RALGPS2: variants seen among roughly 807,000 people sequenced by gnomAD.
The protein encoded by RALGPS2 is ras-specific guanine nucleotide-releasing factor RalGPS2.
Under a neutral mutation model 86.8 loss-of-function variants are expected in RALGPS2, and 43 were observed. That is an observed-to-expected ratio of 0.50 (90% CI 0.39 to 0.64). The LOEUF is 0.64. Ranked by LOEUF, RALGPS2 falls within the 30% of genes least tolerant of loss-of-function variation. The pLI, the probability that RALGPS2 is intolerant of heterozygous loss-of-function variation, is 0.00. For missense variants in RALGPS2, 536 were observed against 694.6 expected, an observed-to-expected ratio of 0.77 and a Z score of 2.57; for synonymous variants, 243 against 231.3, an observed-to-expected ratio of 1.05 and a Z score of -0.46.
At chr1:178,792,291 A>G (rs1416296202) in intron 4 of RALGPS2, among the ~76,000 whole-genome samples, 9 of 152,170 alleles carry the variant, frequency 5.9e-5, no homozygotes. Context: ...TAAGTTTTTT[A>G]AGGTTCTCTG....
intron 1 of RALGPS2, among the ~76,000 whole-genome samples, chr1:178,759,541 T>C (rs527759486): frequency 3.7e-4 from 56 of 151,788 alleles, no homozygotes; most frequent in Non-Finnish European, 5.6e-4. Flanking sequence ...TTTTTTTTTT[T>C]TTTGCCCAAG....
intron 1 of RALGPS2, among the ~76,000 whole-genome samples, chr1:178,749,944 AAC>A (rs147164836): frequency 3.3e-5 from 5 of 151,550 alleles, no homozygotes; most frequent in African/African-American, 1.2e-4. Flanking sequence ...AAACAACAAC[AAC>A]ACACACACAC....
chr1:178,871,331 T>C (rs1415999262), intron 8 of RALGPS2, among the ~76,000 whole-genome samples: 1 of 152,014 alleles, frequency 6.6e-6, no homozygotes, highest in Non-Finnish European at 1.5e-5. Flanking sequence ...AACATTTTAG[T>C]CTGCTGGCCA....
chr1:178,746,149 A>AG (rs1367705605), intron 1 of RALGPS2, among the ~76,000 whole-genome samples: 1 of 152,114 alleles, frequency 6.6e-6, no homozygotes, highest in Non-Finnish European at 1.5e-5. Flanking sequence ...GAGAATGAAA[A>AG]GACCGGCTGC....
chr1:178,912,476 T>A (rs1173833554), intron 19 of RALGPS2, among the ~76,000 whole-genome samples: 6 of 152,178 alleles, frequency 3.9e-5, no homozygotes, highest in Admixed American at 2.0e-4. Context: ...AATTCTTAGT[T>A]GGAATTTCTT....
chr1:178,811,122 C>T (rs76729868), intron 5 of RALGPS2, among the ~76,000 whole-genome samples, 193 bp from the exon 6 acceptor site: 1,941 of 151,962 alleles, frequency 0.013, 36 homozygotes, highest in African/African-American at 0.044. Flanking sequence ...GGAATCTTCA[C>T]TTATGATTCT....
chr1:178,840,537 C>T (rs1033654565), intron 8 of RALGPS2, among the ~76,000 whole-genome samples: 2 of 152,104 alleles, frequency 1.3e-5, no homozygotes, highest in Non-Finnish European at 2.9e-5. Flanking sequence ...TAAATGCCCA[C>T]AAGAGAAAGC....
intron 4 of RALGPS2, among the ~76,000 whole-genome samples, chr1:178,787,124 C>T (rs890677726): frequency 4.6e-5 from 7 of 151,722 alleles, no homozygotes; most frequent in African/African-American, 1.7e-4. Context: ...AAAGAAAAAA[C>T]CAGAAATACT....
intron 1 of RALGPS2, among the ~76,000 whole-genome samples, chr1:178,750,719 T>A (rs899003651): frequency 6.6e-6 from 1 of 152,228 alleles, no homozygotes; most frequent in African/African-American, 2.4e-5. Context: ...AACCTTCTTA[T>A]TGCTCCTTCT....
rs1243559875 is a variant in RALGPS2, at chr1:178,838,056, G to A, written c.607+4506G>A. Among the ~76,000 whole-genome samples the A allele has an allele frequency of 2.6e-5, 4 of 152,312 alleles. No homozygotes were observed. In the East Asian group the frequency reaches 5.8e-4, roughly 22 times the overall value. The stretch of plus-strand genomic sequence containing the variant: ...AAGCTCAAACTGGGTGGAGCCCACC[G>A]CAGCTCAAGGAGGCCTACCTGCCTC... On this transcript the variant is annotated intron_variant, in intron 8 of 19. Coordinates refer to ENST00000367635, the MANE Select transcript of RALGPS2 (RefSeq NM_152663.5).
intron 8 of RALGPS2, among the ~76,000 whole-genome samples, chr1:178,862,858 T>G (rs1658131919): frequency 6.6e-6 from 1 of 152,096 alleles, no homozygotes; most frequent in Non-Finnish European, 1.5e-5. Context: ...AGCAGATATG[T>G]GAGTAGTTTA....
chr1:178,889,754 A>C (rs747032790), intron 14 of RALGPS2, 58 bp downstream of exon 14: 93 of 1,233,748 alleles, frequency 7.5e-5, no homozygotes, highest in Non-Finnish European at 9.7e-5. Flanking sequence ...GTTAAATAAT[A>C]TAATACAAAT....
chr1:178,887,380 G>C (rs1450112976), intron 13 of RALGPS2, among the ~76,000 whole-genome samples: 1 of 152,146 alleles, frequency 6.6e-6, no homozygotes, highest in Non-Finnish European at 1.5e-5. Flanking sequence ...TTGAACCCAG[G>C]AAACAGAGGT....
At chr1:178,760,122 A>G (rs936502860) in intron 1 of RALGPS2, among the ~76,000 whole-genome samples, 2 of 152,130 alleles carry the variant, frequency 1.3e-5, no homozygotes, top group Non-Finnish European at 2.9e-5. Flanking sequence ...ACTGTGTTGA[A>G]TAACAGTGGT....
At chr1:178,851,301 A>C in intron 8 of RALGPS2, 1 of 1,609,620 alleles carries the variant, frequency 6.2e-7, no homozygotes, top group Non-Finnish European at 8.5e-7. Context: ...TCCTTTATGA[A>C]AGTGGGCGCA....
rs530984406 is a variant in RALGPS2, at chr1:178,788,106, C to T, written c.213+2499C>T. 9.7e-4 allele frequency among the ~76,000 whole-genome samples: 147 copies of T among 152,320 alleles called. 1 individual carries two copies. The highest frequency in any genetic ancestry group is 8.2e-4 in the Non-Finnish European group (56 of 68,028). On this transcript the variant is annotated intron_variant, in intron 4 of 19. Coordinates refer to ENST00000367635, the MANE Select transcript of RALGPS2 (RefSeq NM_152663.5). ...ATACTAGCCTTCCTTTAGCCCCTCT[C>T]ACCACTGAGCCTGTGCACATCCTAA...
intron 18 of RALGPS2, 45 bp from the exon 19 acceptor site, chr1:178,906,731 G>C: frequency 6.8e-7 from 1 of 1,478,030 alleles, no homozygotes; most frequent in Non-Finnish European, 9.4e-7. Flanking sequence ...ATTATGTGTC[G>C]TCCTTACATT....
intron 18 of RALGPS2, 39 bp downstream of exon 18, chr1:178,902,250 A>G (rs771674720): frequency 1.7e-5 from 25 of 1,470,088 alleles, no homozygotes; most frequent in South Asian, 1.6e-4. Flanking sequence ...GATACTGCGT[A>G]TGTGTTTGTG....
At chr1:178,886,593 A>C (rs1659493625) in intron 13 of RALGPS2, among the ~76,000 whole-genome samples, 1 of 152,176 alleles carries the variant, frequency 6.6e-6, no homozygotes, top group African/African-American at 2.4e-5. Context: ...GAATATGTGA[A>C]TCTGGAGCTC....
Sources: gnomAD v4.1 joint callset for allele counts (sites outside exome capture counted in the v4.1 genomes callset) on GRCh38, gnomAD v4.1.1 for gene constraint, MANE v1.5 for transcripts, NCBI Gene and HGNC (gene_info 2026-07-23, HGNC 2026-07-21) for gene names.